Variants in LRP1B observed in about 807,000 individuals in gnomAD.
LRP1B encodes the protein LDL receptor related protein 1B.
A neutral mutation model predicts 556.6 loss-of-function variants in LRP1B; 217 were observed. That is an observed-to-expected ratio of 0.39 (90% confidence interval 0.35 to 0.44). The LOEUF (loss-of-function observed/expected upper bound fraction) is 0.44. LRP1B is among the 20% of genes least tolerant of loss of function. The pLI, the probability that LRP1B is intolerant of heterozygous loss-of-function variation, is 1.00. For missense variants in LRP1B, 5,053 were observed against 5,620.8 expected, an observed-to-expected ratio of 0.90 and a Z score of 3.23; for synonymous variants, 2,047 against 1,865.8, an observed-to-expected ratio of 1.10 and a Z score of -2.50.
intron 2 of LRP1B, among the ~76,000 whole-genome samples, chr2:141,792,551 C>T (rs1695650314): frequency 6.6e-6 from 1 of 151,976 alleles, no homozygotes; most frequent in Non-Finnish European, 1.5e-5. Context: ...ACATGATGTG[C>T]TGGGGCAATA....
chr2:141,040,073 A>T (rs1001578468), intron 11 of LRP1B, among the ~76,000 whole-genome samples: 1 of 152,078 alleles, frequency 6.6e-6, no homozygotes, highest in Non-Finnish European at 1.5e-5. Context: ...AAGAGTTGCA[A>T]ATGTTGACAA....
intron 3 of LRP1B, among the ~76,000 whole-genome samples, chr2:141,411,501 A>C (rs1690849731): frequency 6.6e-6 from 1 of 152,134 alleles, no homozygotes; most frequent in Non-Finnish European, 1.5e-5. Flanking sequence ...ATAATATATG[A>C]GAATTAGTGT....
At chr2:141,119,324 TG>T (rs1280536454) in intron 7 of LRP1B, among the ~76,000 whole-genome samples, 1 of 151,946 alleles carries the variant, frequency 6.6e-6, no homozygotes, top group Non-Finnish European at 1.5e-5. Flanking sequence ...AACGTTGTAC[TG>T]TATAACATTT....
At chr2:140,721,737 T>G (rs1324333923) in intron 35 of LRP1B, among the ~76,000 whole-genome samples, 2 of 150,144 alleles carry the variant, frequency 1.3e-5, no homozygotes. Context: ...TTTTGTATTT[T>G]TAGTAAAAAC....
chr2:141,223,615 T>C (rs897129765), intron 6 of LRP1B, among the ~76,000 whole-genome samples: 3 of 152,194 alleles, frequency 2.0e-5, no homozygotes, highest in Non-Finnish European at 2.9e-5. Context: ...GGCATCACAC[T>C]ACCTGACTTC....
chr2:140,461,619 G>A (rs531314630), intron 60 of LRP1B, among the ~76,000 whole-genome samples: 2 of 152,218 alleles, frequency 1.3e-5, no homozygotes, highest in African/African-American at 4.8e-5. Flanking sequence ...CTGATCACCT[G>A]AGGTCAGGAG....
chr2:140,497,088 A>C (rs1688977917), intron 55 of LRP1B, among the ~76,000 whole-genome samples: 1 of 151,892 alleles, frequency 6.6e-6, no homozygotes, highest in Admixed American at 6.6e-5. Context: ...AAAGCATCCA[A>C]GTAACATCAA....
At chr2:141,815,578 A>G (rs1005843060) in intron 1 of LRP1B, among the ~76,000 whole-genome samples, 34 of 152,174 alleles carry the variant, frequency 2.2e-4, no homozygotes, top group Non-Finnish European at 4.9e-4. Flanking sequence ...TGCACCAATC[A>G]GCACTCTGTA....
At chr2:140,286,662 C>T (rs1387094986) in intron 84 of LRP1B, among the ~76,000 whole-genome samples, 5 of 151,742 alleles carry the variant, frequency 3.3e-5, no homozygotes, top group African/African-American at 1.2e-4. Context: ...CTTTCAATGA[C>T]TCAATGCAAA....
At chr2:141,276,813 C>A (rs539708279) in intron 3 of LRP1B, among the ~76,000 whole-genome samples, 3 of 151,950 alleles carry the variant, frequency 2.0e-5, no homozygotes, top group Non-Finnish European at 2.9e-5. Flanking sequence ...GCCGCCACCA[C>A]GCCCAGCTAA....
Position 141,732,886 on chromosome 2 carries a change from G to A in LRP1B, c.205+77393C>T, listed in dbSNP as rs183499785. The stretch of plus-strand genomic sequence containing the variant: ...ATTTGTCAATTATAAAATAGATTGA[G>A]AAGCAAAGGAAGCAGAGGAAAAATG... On this transcript the variant is annotated intron_variant, in intron 2 of 90. Coordinates refer to ENST00000389484, the MANE Select transcript of LRP1B (RefSeq NM_018557.3). Among the ~76,000 whole-genome samples, 303 of 152,214 alleles carry A rather than the reference G, an allele frequency of 2.0e-3. 4 individuals are homozygous for A. Among genetic ancestry groups the A allele is most frequent in the Non-Finnish European group, 4.3e-4 (29 of 68,004 alleles).
chr2:141,556,166 T>G (rs1439714142), intron 2 of LRP1B, among the ~76,000 whole-genome samples: 1 of 151,874 alleles, frequency 6.6e-6, no homozygotes, highest in African/African-American at 2.4e-5. Context: ...CTACCACAAA[T>G]AGGTTTATGT....
At chr2:141,543,934 C>G (rs1685363596) in intron 2 of LRP1B, among the ~76,000 whole-genome samples, 1 of 152,040 alleles carries the variant, frequency 6.6e-6, no homozygotes, top group African/African-American at 2.4e-5. Flanking sequence ...TCCTTTCTCC[C>G]ATCCTCCCCA....
At chr2:141,478,506 T>TTCCC (rs1682795213) in intron 3 of LRP1B, among the ~76,000 whole-genome samples, 1 of 142,864 alleles carries the variant, frequency 7.0e-6, no homozygotes. Flanking sequence ...CTTTCCTTCT[T>TTCCC]TCCCTCCCTC....
chr2:140,272,626 G>A (rs950736639), intron 85 of LRP1B, among the ~76,000 whole-genome samples: 1 of 151,730 alleles, frequency 6.6e-6, no homozygotes, highest in Non-Finnish European at 1.5e-5. Flanking sequence ...TAACTTTATT[G>A]CAATTTTGTT....
At chr2:141,868,514 C>T (rs929826118) in intron 1 of LRP1B, among the ~76,000 whole-genome samples, 12 of 152,006 alleles carry the variant, frequency 7.9e-5, no homozygotes, top group Admixed American at 7.2e-4. Context: ...CGGTAACAGA[C>T]AACAGAAACT....
At chr2:140,282,115 T>C (rs1682939520) in intron 84 of LRP1B, among the ~76,000 whole-genome samples, 1 of 151,844 alleles carries the variant, frequency 6.6e-6, no homozygotes, top group Admixed American at 6.6e-5. Context: ...CCTTTGGCCA[T>C]CTTTGAACTG....
At chr2:140,377,126 A>C (rs1332483826) in intron 68 of LRP1B, among the ~76,000 whole-genome samples, 2 of 152,080 alleles carry the variant, frequency 1.3e-5, no homozygotes, top group Admixed American at 6.6e-5. Context: ...GCCATGCTGG[A>C]GTGCAGTGGC....
chr2:141,079,610 T>C (rs1333895684), intron 7 of LRP1B, among the ~76,000 whole-genome samples: 1 of 152,154 alleles, frequency 6.6e-6, no homozygotes, highest in Non-Finnish European at 1.5e-5. Context: ...CCCTTCCTTC[T>C]CTCTTTTCAT....
Sources: gnomAD v4.1 joint callset for allele counts (sites outside exome capture counted in the v4.1 genomes callset) on GRCh38, gnomAD v4.1.1 for gene constraint, MANE v1.5 for transcripts, NCBI Gene and HGNC (gene_info 2026-07-23, HGNC 2026-07-21) for gene names.